The following SPIRE1 variants were observed in gnomAD, a reference collection of about 807,000 sequenced individuals.
SPIRE1 encodes protein spire homolog 1.
SPIRE1 carries 40 observed loss-of-function variants against 94.1 expected under a neutral mutation model. The ratio of observed to expected loss-of-function variants is 0.43; its 90% CI spans 0.33 to 0.55. SPIRE1 has a LOEUF of 0.55. Among genes scored for constraint, SPIRE1 ranks in the 20% least tolerant of loss-of-function variants. The pLI is 0.06. For missense variants in SPIRE1, 838 were observed against 975.2 expected (o/e 0.86, Z 1.87); for synonymous variants, 376 against 371.7 (o/e 1.01, Z -0.13).
intron 2 of SPIRE1, among the ~76,000 whole-genome samples, chr18:12,574,398 G>A (rs2036039389): frequency 6.6e-6 from 1 of 152,174 alleles, no homozygotes; most frequent in Admixed American, 6.5e-5. Flanking sequence ...GTAATAGGTA[G>A]ATAGAGAAAG....
chr18:12,450,609 A>C (rs1003457358), intron 16 of SPIRE1: 3 of 564,150 alleles, frequency 5.3e-6, no homozygotes, highest in Non-Finnish European at 9.6e-6. Context: ...ATGTCTGGGA[A>C]AGAGAAGTCT....
intron 16 of SPIRE1, chr18:12,451,111 C>T (rs998982932): frequency 2.8e-6 from 1 of 353,190 alleles, no homozygotes; most frequent in Non-Finnish European, 5.2e-6. Context: ...CTCTTAACCA[C>T]CCTTCTAGAA....
chr18:12,564,310 A>G (rs955421514), intron 2 of SPIRE1, among the ~76,000 whole-genome samples: 1 of 152,170 alleles, frequency 6.6e-6, no homozygotes, highest in African/African-American at 2.4e-5. Flanking sequence ...AAATGAAACC[A>G]AGAAACTACT....
intron 3 of SPIRE1, among the ~76,000 whole-genome samples, chr18:12,545,247 A>G (rs1210628788): frequency 6.6e-6 from 1 of 152,238 alleles, no homozygotes; most frequent in Non-Finnish European, 1.5e-5. Context: ...GTATTTATAT[A>G]TATGTATTTT....
At chr18:12,503,404 T>C (rs2033728058) in intron 6 of SPIRE1, among the ~76,000 whole-genome samples, 1 of 152,242 alleles carries the variant, frequency 6.6e-6, no homozygotes, top group African/African-American at 2.4e-5. Context: ...GCCTTCTCTC[T>C]GGCTATGCCT....
At chr18:12,577,932 A>G (rs1412298706) in intron 2 of SPIRE1, among the ~76,000 whole-genome samples, 2 of 152,254 alleles carry the variant, frequency 1.3e-5, no homozygotes, top group African/African-American at 2.4e-5. Flanking sequence ...GAAGATATAC[A>G]AATGGCTTAT....
At chr18:12,461,448 ATGTG>A (rs1271171014) in intron 12 of SPIRE1, among the ~76,000 whole-genome samples, 1 of 136,912 alleles carries the variant, frequency 7.3e-6, no homozygotes. Context: ...ATATACATAC[ATGTG>A]TGTATGTATG....
At chr18:12,641,989 G>A (rs539868053) in intron 1 of SPIRE1, among the ~76,000 whole-genome samples, 5 of 151,584 alleles carry the variant, frequency 3.3e-5, no homozygotes, top group East Asian at 2.0e-4. Flanking sequence ...GCACCACCAC[G>A]CCCAGCTAAT....
intron 6 of SPIRE1, among the ~76,000 whole-genome samples, chr18:12,500,608 C>A (rs951930266): frequency 6.6e-6 from 1 of 152,148 alleles, no homozygotes; most frequent in Non-Finnish European, 1.5e-5. Context: ...ACTCCACTCC[C>A]AGGTATATAC....
chr18:12,509,391 AACACTGGAAGTTATTT>A (rs1342689927), intron 5 of SPIRE1, among the ~76,000 whole-genome samples: 1 of 152,208 alleles, frequency 6.6e-6, no homozygotes, highest in East Asian at 1.9e-4. Flanking sequence ...CTAACTTCTG[AACACTGGAAGTTATTT>A]ATCTGGTTTC....
At chr18:12,531,171 A>T (rs984146221) in intron 4 of SPIRE1, among the ~76,000 whole-genome samples, 16 of 152,238 alleles carry the variant, frequency 1.1e-4, no homozygotes, top group African/African-American at 3.9e-4. Flanking sequence ...GAGTGCTGTG[A>T]TTACAGGCAT....
At chr18:12,639,482 C>T (rs941185542) in intron 1 of SPIRE1, among the ~76,000 whole-genome samples, 2 of 152,134 alleles carry the variant, frequency 1.3e-5, no homozygotes, top group African/African-American at 4.8e-5. Context: ...ACCTGCCATC[C>T]GAGCACTTTG....
intron 1 of SPIRE1, among the ~76,000 whole-genome samples, chr18:12,639,776 A>G (rs992270463): frequency 6.6e-6 from 1 of 151,494 alleles, no homozygotes; most frequent in African/African-American, 2.4e-5. Flanking sequence ...AGAAAGGCTG[A>G]GGTGGGAGAA....
chr18:12,504,656 T>G (rs553776496), intron 6 of SPIRE1, among the ~76,000 whole-genome samples: 2 of 152,348 alleles, frequency 1.3e-5, no homozygotes, highest in East Asian at 3.9e-4. Flanking sequence ...TTTGGTTGCA[T>G]GTCAGGCCCA....
At chr18:12,557,502 A>T (rs2035551043) in intron 2 of SPIRE1, among the ~76,000 whole-genome samples, 1 of 151,996 alleles carries the variant, frequency 6.6e-6, no homozygotes, top group Non-Finnish European at 1.5e-5. Context: ...CCTGGCGCAG[A>T]CCCAGTTCCC....
chr18:12,528,859 G>GATT (rs1483816376), intron 4 of SPIRE1, among the ~76,000 whole-genome samples: 2 of 152,172 alleles, frequency 1.3e-5, no homozygotes, highest in African/African-American at 4.8e-5. Flanking sequence ...ACCTACAATA[G>GATT]CTAAACCACA....
intron 2 of SPIRE1, among the ~76,000 whole-genome samples, chr18:12,606,256 G>C (rs2036972523): frequency 6.6e-6 from 1 of 151,846 alleles, no homozygotes; most frequent in Non-Finnish European, 1.5e-5. Flanking sequence ...TGCAAGCAGA[G>C]GTTTTGTCAC....
At chr18:12,598,597 T>C (rs2036745225) in intron 2 of SPIRE1, among the ~76,000 whole-genome samples, 1 of 152,326 alleles carries the variant, frequency 6.6e-6, no homozygotes, top group South Asian at 2.1e-4. Flanking sequence ...GTCCTTACCT[T>C]TGATATCACT....
At chr18:12,565,104 C>G (rs1220888481) in intron 2 of SPIRE1, among the ~76,000 whole-genome samples, 1 of 151,990 alleles carries the variant, frequency 6.6e-6, no homozygotes, top group Non-Finnish European at 1.5e-5. Flanking sequence ...ATGATAAATG[C>G]CAAAAAACTA....
Sources: allele counts gnomAD v4.1 joint callset (sites outside exome capture counted in the v4.1 genomes callset), GRCh38; gene constraint gnomAD v4.1.1; transcripts MANE v1.5; gene names NCBI Gene and HGNC (gene_info 2026-07-23, HGNC 2026-07-21).